The following SYT1 variants were observed in gnomAD, a reference collection of about 807,000 sequenced individuals.
The protein encoded by SYT1 is synaptotagmin-1.
Under a neutral mutation model 44.8 loss-of-function variants are expected in SYT1, and 8 were observed. The observed-to-expected ratio is 0.18, with a 90% confidence interval of 0.10 to 0.32. The LOEUF (loss-of-function observed/expected upper bound fraction) is 0.32, where lower values mean the gene tolerates loss of function less well. Ranked by LOEUF, SYT1 falls within the 10% of genes least tolerant of loss-of-function variation. The pLI, the probability that SYT1 is intolerant of heterozygous loss-of-function variation, is 1.00. For missense variants in SYT1, 286 were observed against 509.3 expected (o/e 0.56, Z 4.22); for synonymous variants, 154 against 188.8 (o/e 0.82, Z 1.51).
intron 1 of SYT1, among the ~76,000 whole-genome samples, chr12:78,906,922 C>T (rs17045933): frequency 0.044 from 6,658 of 152,196 alleles, 188 homozygotes; most frequent in South Asian, 0.089. Flanking sequence ...GACTTCATAA[C>T]CGCACATGAA....
intron 3 of SYT1, among the ~76,000 whole-genome samples, chr12:79,153,905 T>G (rs539461391): frequency 1.3e-5 from 2 of 152,138 alleles, no homozygotes; most frequent in African/African-American, 4.8e-5. Flanking sequence ...GAAATCACTG[T>G]TGCTAATAAT....
intron 9 of SYT1, among the ~76,000 whole-genome samples, chr12:79,417,989 C>T (rs1868859691): frequency 1.3e-5 from 2 of 152,274 alleles, no homozygotes; most frequent in East Asian, 1.9e-4. Flanking sequence ...AAAAACCTTA[C>T]TCTACCGTTA....
At chr12:79,164,665 A>G (rs986875170) in intron 3 of SYT1, among the ~76,000 whole-genome samples, 1 of 152,044 alleles carries the variant, frequency 6.6e-6, no homozygotes, top group Non-Finnish European at 1.5e-5. Flanking sequence ...ATATGTCAAA[A>G]TATTAGTTTC....
intron 8 of SYT1, among the ~76,000 whole-genome samples, chr12:79,351,719 C>T (rs1038208728): frequency 3.3e-5 from 5 of 151,990 alleles, no homozygotes; most frequent in Non-Finnish European, 7.4e-5. Context: ...CTAGCCTCTC[C>T]TGTTGTATAA....
At chr12:79,428,768 C>T (rs1008168466) in intron 9 of SYT1, among the ~76,000 whole-genome samples, 3 of 152,108 alleles carry the variant, frequency 2.0e-5, no homozygotes, top group African/African-American at 7.2e-5. Flanking sequence ...TACCTATTGC[C>T]TTAGTCCACT....
chr12:79,204,277 C>T (rs1292794494), intron 3 of SYT1, among the ~76,000 whole-genome samples: 2 of 152,168 alleles, frequency 1.3e-5, no homozygotes, highest in Non-Finnish European at 2.9e-5. Context: ...TGGTAGGTTG[C>T]AACATTTTCC....
intron 2 of SYT1, among the ~76,000 whole-genome samples, chr12:79,028,685 A>G (rs1179615633): frequency 2.0e-5 from 3 of 151,408 alleles, no homozygotes; most frequent in South Asian, 4.1e-4. Context: ...AATAGTTAAT[A>G]TAGTCTTACT....
chr12:79,024,077 T>C (rs1165924645), intron 2 of SYT1, among the ~76,000 whole-genome samples: 1 of 151,770 alleles, frequency 6.6e-6, no homozygotes, highest in Non-Finnish European at 1.5e-5. Flanking sequence ...ACTGCTGTTT[T>C]CCCAAAGGTT....
chr12:79,049,529 T>C (rs904838477), intron 3 of SYT1, among the ~76,000 whole-genome samples: 1 of 152,000 alleles, frequency 6.6e-6, no homozygotes. Context: ...TTTTATCAGA[T>C]ATTGTGAAGA....
rs565145044 is a variant in SYT1 at position 78,958,470 on chromosome 12, G to A, written c.-216-19329G>A. ...AGCACTTTGGGAGGCTGAGGTAGGTGGATCACCTGAGGTCAAGAGTTGGAG... is the reference window on the plus strand; with the variant it reads ...AGCACTTTGGGAGGCTGAGGTAGGTAGATCACCTGAGGTCAAGAGTTGGAG... On this transcript the variant is annotated intron_variant, in intron 1 of 10. Coordinates refer to ENST00000261205, the MANE Select transcript of SYT1 (RefSeq NM_005639.3). Among the ~76,000 whole-genome samples, 274 of 152,060 alleles carry A rather than the reference G, an allele frequency of 1.8e-3. 2 individuals are homozygous for A. Among genetic ancestry groups the A allele is most frequent in the African/African-American group, 6.4e-3 (266 of 41,502 alleles).
chr12:79,068,393 A>T (rs1415965304), intron 3 of SYT1, among the ~76,000 whole-genome samples: 1 of 152,166 alleles, frequency 6.6e-6, no homozygotes, highest in African/African-American at 2.4e-5. Context: ...TATCAATTTC[A>T]TTATTAAAGA....
chr12:79,342,058 T>C (rs1882400705), intron 8 of SYT1, among the ~76,000 whole-genome samples: 1 of 152,020 alleles, frequency 6.6e-6, no homozygotes, highest in East Asian at 1.9e-4. Context: ...GTTAATGATA[T>C]AAAGAAGGCT....
At chr12:79,133,313 G>A (rs1868975000) in intron 3 of SYT1, among the ~76,000 whole-genome samples, 1 of 152,108 alleles carries the variant, frequency 6.6e-6, no homozygotes. Context: ...AAGCCCAGGA[G>A]GTCAAGGCTG....
chr12:78,992,963 C>G (rs1440688921), intron 2 of SYT1, among the ~76,000 whole-genome samples: 1 of 152,186 alleles, frequency 6.6e-6, no homozygotes. Flanking sequence ...ACTATGATGA[C>G]TGCAGAGAAA....
rs1870384983 is a variant in SYT1, at chr12:79,441,090, C to T, written c.929-2983C>T. Among the ~76,000 whole-genome samples the T allele has an allele frequency of 2.0e-5, 3 of 152,170 alleles. No individual in the cohort carries two copies. The South Asian group carries it at 6.2e-4, about 31-fold the overall frequency. On this transcript the variant is annotated intron_variant, in intron 9 of 10. Coordinates refer to ENST00000261205, the MANE Select transcript of SYT1 (RefSeq NM_005639.3). ...AAATGTGCCCATCCCAGGTACATAA[C>T]ATATAGTCTAGGCTTATCGAGGCAC...
chr12:79,449,153 C>A lies in SYT1; in HGVS notation c.*29C>A. ...AAAGAAGAAGCCTTTCTGCATTTGC[C>A]CATATAGTGCTCTTTAGCCAGTATC... On this transcript the variant is annotated 3_prime_UTR_variant, in exon 11 of 11. Transcript: ENST00000261205. 1 of 1,569,622 alleles carries A rather than the reference C, an allele frequency of 6.4e-7. No individual in the cohort carries two copies. The highest frequency in any genetic ancestry group is 1.2e-5 in the South Asian group (1 of 86,226).
intron 1 of SYT1, among the ~76,000 whole-genome samples, chr12:78,973,938 A>AAAAT (rs1868607158): frequency 3.9e-5 from 1 of 25,324 alleles, no homozygotes; most frequent in Non-Finnish European, 6.5e-5. Context: ...AAAAAAAAAA[A>AAAAT]ATATATATAT....
chr12:79,127,628 T>A (rs1185238876), intron 3 of SYT1, among the ~76,000 whole-genome samples: 1 of 152,208 alleles, frequency 6.6e-6, no homozygotes, highest in East Asian at 1.9e-4. Context: ...ATAGTGAACA[T>A]GAAAATGACT....
chr12:79,253,028 C>T lies in SYT1; in HGVS notation c.167-32759C>T, dbSNP rs1426007330. 2.0e-5 allele frequency among the ~76,000 whole-genome samples: 3 copies of T among 152,086 alleles called. No individual in the cohort carries two copies. In the South Asian group the frequency reaches 6.2e-4, roughly 32 times the overall value. On this transcript the variant is annotated intron_variant, in intron 4 of 10. Coordinates refer to ENST00000261205, the MANE Select transcript of SYT1 (RefSeq NM_005639.3). ...AAAGGATCTTTTCCCCTAGTGCTCT[C>T]TCTTTTATCAGGGAGGAAAATATTT...
Sources: allele counts gnomAD v4.1 joint callset (sites outside exome capture counted in the v4.1 genomes callset), GRCh38; gene constraint gnomAD v4.1.1; transcripts MANE v1.5; gene names NCBI Gene and HGNC (gene_info 2026-07-23, HGNC 2026-07-21).